The following SKAP1 variants were observed in gnomAD, a reference collection of about 807,000 sequenced individuals.
The protein encoded by SKAP1 is src kinase-associated phosphoprotein 1.
A neutral mutation model predicts 58.5 loss-of-function variants in SKAP1; 44 were observed. The ratio of observed to expected loss-of-function variants is 0.75; its 90% CI spans 0.59 to 0.97. SKAP1 has a LOEUF of 0.97. SKAP1 is among the 50% of genes least tolerant of loss of function. The pLI is 0.00. For synonymous variants in SKAP1, 127 were observed against 149.7 expected (o/e 0.85, Z 1.11); for missense variants, 390 against 435.2 (o/e 0.90, Z 0.92).
intron 4 of SKAP1, among the ~76,000 whole-genome samples, chr17:48,213,911 G>A (rs980677167): frequency 2.0e-5 from 3 of 152,166 alleles, no homozygotes; most frequent in African/African-American, 7.2e-5. Context: ...CAGCACTCAA[G>A]GGTGGCCAGA....
rs569707033 is a variant in SKAP1, at chr17:48,278,684, C to T, written c.280+67221G>A. On this transcript the variant is annotated intron_variant, in intron 4 of 12. Transcript: ENST00000336915. Reference sequence around the variant, plus strand: ...AACAGAAGTATCGGAGAAATACTTACGATGAAGAATTGATAGCATCTGGTG... The same window carrying T: ...AACAGAAGTATCGGAGAAATACTTATGATGAAGAATTGATAGCATCTGGTG... Among the ~76,000 whole-genome samples, 6 of 152,092 alleles carry T rather than the reference C, an allele frequency of 3.9e-5. No homozygotes were observed. The South Asian group carries it at 8.3e-4, about 21-fold the overall frequency.
At chr17:48,361,916 A>G (rs960858550) in intron 3 of SKAP1, among the ~76,000 whole-genome samples, 1 of 152,242 alleles carries the variant, frequency 6.6e-6, no homozygotes, top group Non-Finnish European at 1.5e-5. Flanking sequence ...TCTGAAGCAC[A>G]TAATCAGCTA....
At chr17:48,306,192 T>A (rs1044775783) in intron 4 of SKAP1, among the ~76,000 whole-genome samples, 1 of 152,212 alleles carries the variant, frequency 6.6e-6, no homozygotes, top group African/African-American at 2.4e-5. Context: ...GACCCCAGGA[T>A]CTGAAAAGAT....
intron 4 of SKAP1, among the ~76,000 whole-genome samples, chr17:48,320,759 A>AT (rs35058651): frequency 2.7e-4 from 41 of 149,434 alleles, no homozygotes; most frequent in East Asian, 1.2e-3. Context: ...ACCTCCACCA[A>AT]TTTTTTTTTT....
rs72825543 is a variant in SKAP1, at chr17:48,140,725, G to A, written c.979-3388C>T. Among the ~76,000 whole-genome samples, 849 of 151,826 alleles carry A rather than the reference G, an allele frequency of 5.6e-3. 3 individuals carry two copies. The highest frequency in any genetic ancestry group is 0.014 in the Middle Eastern group (4 of 294). ...ACTGTTACCCAGGCTGGAATCTCAG[G>A]AGTCATTCCCAATTTCACTTTCACC... On this transcript the variant is annotated intron_variant, in intron 11 of 12. Coordinates refer to ENST00000336915, the MANE Select transcript of SKAP1 (RefSeq NM_003726.4).
At chr17:48,212,506 G>C (rs973164391) in intron 4 of SKAP1, among the ~76,000 whole-genome samples, 2 of 152,140 alleles carry the variant, frequency 1.3e-5, no homozygotes, top group African/African-American at 4.8e-5. Flanking sequence ...AAAAGTAGGA[G>C]AAATGTTAGT....
chr17:48,326,796 T>G (rs1208217307), intron 4 of SKAP1, among the ~76,000 whole-genome samples: 1 of 152,164 alleles, frequency 6.6e-6, no homozygotes, highest in African/African-American at 2.4e-5. Context: ...TACTGGGAAT[T>G]TATTATAAAG....
At chr17:48,383,812 G>C (rs1433229854) in intron 2 of SKAP1, among the ~76,000 whole-genome samples, 1 of 149,706 alleles carries the variant, frequency 6.7e-6, no homozygotes, top group African/African-American at 2.5e-5. Context: ...TGCCTCCCAG[G>C]TTCAAATGAT....
intron 4 of SKAP1, among the ~76,000 whole-genome samples, chr17:48,315,942 AC>A (rs2066280482): frequency 1.3e-5 from 2 of 152,152 alleles, no homozygotes; most frequent in African/African-American, 4.8e-5. Flanking sequence ...GAAATCCAAA[AC>A]CCATCTGGTC....
chr17:48,218,885 T>TA (rs76150756), intron 4 of SKAP1, among the ~76,000 whole-genome samples: 190 of 147,324 alleles, frequency 1.3e-3, no homozygotes, highest in Middle Eastern at 3.4e-3. Context: ...TTCAGATTGT[T>TA]AAAAAAAAAA....
At chr17:48,200,887 G>C (rs565229064) in intron 4 of SKAP1, among the ~76,000 whole-genome samples, 15 of 152,130 alleles carry the variant, frequency 9.9e-5, no homozygotes, top group Non-Finnish European at 2.2e-4. Context: ...ATCCCCAGGG[G>C]CCTCGTACAC....
At chr17:48,217,462 C>G (rs1028740928) in intron 4 of SKAP1, among the ~76,000 whole-genome samples, 1 of 152,008 alleles carries the variant, frequency 6.6e-6, no homozygotes, top group Non-Finnish European at 1.5e-5. Context: ...GCCTGGGCAA[C>G]AGGGCAAAAC....
At chr17:48,381,652 AT>A (rs547477892) in intron 2 of SKAP1, among the ~76,000 whole-genome samples, 4 of 152,176 alleles carry the variant, frequency 2.6e-5, no homozygotes, top group African/African-American at 4.8e-5. Flanking sequence ...TTTGTGCAGG[AT>A]TTTTTTATCT....
intron 4 of SKAP1, among the ~76,000 whole-genome samples, chr17:48,191,012 C>T (rs748047607): frequency 2.6e-5 from 4 of 151,992 alleles, no homozygotes; most frequent in Non-Finnish European, 2.9e-5. Flanking sequence ...AAAAAGTATG[C>T]GAAAGAATCT....
At chr17:48,164,583 A>G (rs1326522187) in intron 10 of SKAP1, among the ~76,000 whole-genome samples, 4 of 152,254 alleles carry the variant, frequency 2.6e-5, no homozygotes, top group African/African-American at 9.6e-5. Context: ...GATCACAGGG[A>G]AAGCAAGAAG....
At position 48,396,771 on chromosome 17, in the gene SKAP1, G is replaced by C. The variant is rs1026271488; in HGVS notation, c.61C>G (p.Leu21Val). 15 of 1,612,614 alleles carry C rather than the reference G, an allele frequency of 9.3e-6. No individual in the cohort carries two copies. The Admixed American group carries it at 1.0e-4, about 11-fold the overall frequency. ...TTCTCATTCCGCAAACCTTCTGCCA[G>C]AAACTCTTCAGCATCTAAAAGAAAA... Reference protein sequence around the residue: ...RWLLEDAEEFLAEGLRNENLS... With the variant: ...RWLLEDAEEFVAEGLRNENLS... The change falls in exon 2 of 13, where the codon CTG becomes GTG. Residue 21 changes from leucine to valine, a missense_variant. Coordinates refer to ENST00000336915, the MANE Select transcript of SKAP1 (RefSeq NM_003726.4).
At chr17:48,430,654 C>G (rs28413063), upstream of SKAP1, among the ~76,000 whole-genome samples, 2 of 152,270 alleles carry the variant, frequency 1.3e-5, no homozygotes, top group East Asian at 3.9e-4. Context: ...GGCAAAACTT[C>G]GCTCTTTGGG....
rs548428688 is a variant in SKAP1 at position 48,151,693 on chromosome 17, T to G, written c.978+10776A>C. Among the ~76,000 whole-genome samples, 8 of 152,338 alleles carry G rather than the reference T, an allele frequency of 5.3e-5. No individual in the cohort carries two copies. In the East Asian group the frequency reaches 1.5e-3, roughly 29 times the overall value. On this transcript the variant is annotated intron_variant, in intron 11 of 12. Transcript: ENST00000336915. ...TTTGTTTAATAGTTAGAAACCAATT[T>G]TATTAAAAAACGGTAAAGTTCACAA... is the stretch of plus-strand genomic sequence containing the variant.
chr17:48,189,350 T>G (rs2064504457), intron 5 of SKAP1, 73 bp downstream of exon 5: 2 of 1,209,606 alleles, frequency 1.7e-6, no homozygotes, highest in Non-Finnish European at 2.4e-6. Context: ...AGGCATCCAA[T>G]GTGTTAGCCT....
Sources: gnomAD v4.1 joint callset for allele counts (sites outside exome capture counted in the v4.1 genomes callset) on GRCh38, gnomAD v4.1.1 for gene constraint, MANE v1.5 for transcripts, NCBI Gene and HGNC (gene_info 2026-07-23, HGNC 2026-07-21) for gene names.